CSMD3: variants seen among roughly 807,000 people sequenced by gnomAD.
CSMD3 encodes the protein CUB and sushi domain-containing protein 3.
CSMD3 carries 177 observed loss-of-function variants against 435.2 expected under a neutral mutation model. The observed-to-expected ratio is 0.41, with a 90% confidence interval of 0.36 to 0.46. CSMD3 has a LOEUF of 0.46. CSMD3 is among the 20% of genes least tolerant of loss of function. The pLI, the probability that CSMD3 is intolerant of heterozygous loss-of-function variation, is 0.34. For synonymous variants in CSMD3, 1,656 were observed against 1,520.5 expected, an observed-to-expected ratio of 1.09 and a Z score of -2.07; for missense variants, 4,265 against 4,504.6, an observed-to-expected ratio of 0.95 and a Z score of 1.52.
chr8:113,058,912 T>C (rs549947766), intron 5 of CSMD3, among the ~76,000 whole-genome samples: 27 of 152,142 alleles, frequency 1.8e-4, no homozygotes, highest in African/African-American at 6.5e-4. Context: ...CTGGAGATAA[T>C]ATAGACTTCA....
At chr8:112,686,643 G>A (rs1007967277) in intron 14 of CSMD3, among the ~76,000 whole-genome samples, 5 of 151,574 alleles carry the variant, frequency 3.3e-5, no homozygotes, top group Non-Finnish European at 7.4e-5. Flanking sequence ...CGCCCACCAC[G>A]CCCAGCTAAT....
intron 4 of CSMD3, among the ~76,000 whole-genome samples, chr8:113,160,338 T>C (rs2092015291): frequency 6.6e-6 from 1 of 151,970 alleles, no homozygotes; most frequent in Non-Finnish European, 1.5e-5. Context: ...TTTAAATGCA[T>C]GGCTTAGATT....
intron 4 of CSMD3, among the ~76,000 whole-genome samples, chr8:113,153,261 G>A (rs1420547794): frequency 6.6e-6 from 1 of 151,562 alleles, no homozygotes; most frequent in East Asian, 2.0e-4. Context: ...AGAAAGGAAG[G>A]AAGGAAGGAA....
chr8:112,289,380 G>C lies in CSMD3; in HGVS notation c.9133C>G (p.Gln3045Glu), dbSNP rs2130654540. 12 of 1,613,094 alleles carry C rather than the reference G, an allele frequency of 7.4e-6. No homozygotes were observed. The highest frequency in any genetic ancestry group is 1.0e-5 in the Non-Finnish European group (12 of 1,179,362). The change falls in exon 57 of 71, where the codon CAA (glutamine) becomes GAA (glutamate). Residue 3045 changes from glutamine (Q) to glutamate (E), a missense_variant. Gln to Glu is a conservative substitution (Grantham distance 29, BLOSUM62 2). Transcript: ENST00000297405. ...CAAGTGGTACCTGAACAATGAGGTTGTGATCCACTCCAATGGCCATTCAAT... is the reference window on the plus strand; with the variant it reads ...CAAGTGGTACCTGAACAATGAGGTTCTGATCCACTCCAATGGCCATTCAAT... ...CQLNGHWSGSQPHCSGDATGT... is the reference protein window; with the variant it reads ...CQLNGHWSGSEPHCSGDATGT...
rs185636467 is a variant in CSMD3 at position 113,409,169 on chromosome 8, C to T, written c.178+27508G>A. Reference sequence around the variant, plus strand: ...TGGGATCTCAGCTCACTGCAACCTCCGCCTCCGGGTTCAAGCAATTCTCTT... The same window carrying T: ...TGGGATCTCAGCTCACTGCAACCTCTGCCTCCGGGTTCAAGCAATTCTCTT... On this transcript the variant is annotated intron_variant, in intron 1 of 70. Coordinates refer to ENST00000297405, the MANE Select transcript of CSMD3 (RefSeq NM_198123.2). Among the ~76,000 whole-genome samples, 228 of 149,466 alleles carry T rather than the reference C, an allele frequency of 1.5e-3. 1 individual carries two copies. The highest frequency in any genetic ancestry group is 4.7e-3 in the African/African-American group (189 of 40,560).
chr8:113,207,905 G>A (rs1008755317), intron 3 of CSMD3, among the ~76,000 whole-genome samples: 6 of 152,022 alleles, frequency 3.9e-5, no homozygotes, highest in South Asian at 2.1e-4. Context: ...ACCTCACAAC[G>A]TGACATCATT....
chr8:112,451,762 T>A (rs1382347564), intron 32 of CSMD3, among the ~76,000 whole-genome samples: 1 of 152,198 alleles, frequency 6.6e-6, no homozygotes, highest in East Asian at 1.9e-4. Flanking sequence ...GGTCTCGAAC[T>A]CCTGACCTCA....
At chr8:112,340,561 C>T (rs191012600) in intron 42 of CSMD3, among the ~76,000 whole-genome samples, 110 of 152,158 alleles carry the variant, frequency 7.2e-4, no homozygotes, top group Non-Finnish European at 1.2e-4. Context: ...AAAAGCATTA[C>T]ATAAAGTCCT....
At chr8:112,582,747 A>G (rs1439886787) in intron 23 of CSMD3, among the ~76,000 whole-genome samples, 1 of 152,022 alleles carries the variant, frequency 6.6e-6, no homozygotes, top group African/African-American at 2.4e-5. Context: ...CCTCAAGGTG[A>G]TGGTATTAGG....
chr8:112,897,555 C>T (rs1397362864), intron 10 of CSMD3, among the ~76,000 whole-genome samples: 2 of 151,070 alleles, frequency 1.3e-5, no homozygotes, highest in African/African-American at 4.8e-5. Context: ...GAAAACTGGG[C>T]AATATAGTAA....
At chr8:113,117,665 G>T (rs1372089328) in intron 4 of CSMD3, among the ~76,000 whole-genome samples, 4 of 152,234 alleles carry the variant, frequency 2.6e-5, no homozygotes, top group Non-Finnish European at 5.9e-5. Context: ...ACACCAGCCT[G>T]TAAAGGCAGC....
At chr8:112,594,554 C>A (rs1563745464) in intron 22 of CSMD3, among the ~76,000 whole-genome samples, 3 of 152,192 alleles carry the variant, frequency 2.0e-5, no homozygotes, top group Admixed American at 1.3e-4. Context: ...TAGGCTCCAC[C>A]TCTGGGGGCA....
At chr8:113,407,654 C>T (rs2094538708) in intron 1 of CSMD3, among the ~76,000 whole-genome samples, 1 of 151,854 alleles carries the variant, frequency 6.6e-6, no homozygotes, top group Non-Finnish European at 1.5e-5. Context: ...TGAACATTTC[C>T]ACTGTGGAAA....
At chr8:113,259,557 G>C (rs2093410290) in intron 3 of CSMD3, among the ~76,000 whole-genome samples, 1 of 148,448 alleles carries the variant, frequency 6.7e-6, no homozygotes. Flanking sequence ...ATTGCCCCAT[G>C]TAGAACATGA....
At chr8:112,904,608 T>A (rs1427353097) in intron 10 of CSMD3, among the ~76,000 whole-genome samples, 1 of 151,236 alleles carries the variant, frequency 6.6e-6, no homozygotes. Context: ...GCAATTGGAT[T>A]AGAAAAGATG....
At chr8:113,436,048 T>C (rs926013888) in intron 1 of CSMD3, among the ~76,000 whole-genome samples, 3 of 152,150 alleles carry the variant, frequency 2.0e-5, no homozygotes, top group Admixed American at 6.5e-5. Flanking sequence ...TTACACTTCA[T>C]GGCATTTCAG....
chr8:113,365,453 T>A (rs556607263), intron 1 of CSMD3, among the ~76,000 whole-genome samples: 2 of 152,210 alleles, frequency 1.3e-5, no homozygotes, highest in South Asian at 4.1e-4. Flanking sequence ...CAGAGCTTTA[T>A]ATTAAAATTT....
chr8:113,217,948 C>A (rs1251590505), intron 3 of CSMD3, among the ~76,000 whole-genome samples: 3 of 150,984 alleles, frequency 2.0e-5, no homozygotes. Context: ...AAAAAGTAAA[C>A]TCAGCTAGAA....
intron 13 of CSMD3, among the ~76,000 whole-genome samples, chr8:112,758,934 T>C (rs2077768399): frequency 1.3e-5 from 2 of 152,146 alleles, no homozygotes; most frequent in Non-Finnish European, 2.9e-5. Context: ...TTTGTATTTG[T>C]GTTGAGGCAG....
Sources: allele counts gnomAD v4.1 joint callset (sites outside exome capture counted in the v4.1 genomes callset), GRCh38; gene constraint gnomAD v4.1.1; transcripts MANE v1.5; gene names NCBI Gene and HGNC (gene_info 2026-07-23, HGNC 2026-07-21).